Variants in IPO11 observed in about 807,000 individuals in gnomAD.
The protein encoded by IPO11 is importin 11.
IPO11 carries 66 observed loss-of-function variants against 143.2 expected under a neutral mutation model. That is an observed-to-expected ratio of 0.46 (90% CI 0.38 to 0.57). The LOEUF is 0.57. Ranked by LOEUF, IPO11 falls within the 20% of genes least tolerant of loss-of-function variation. The probability of loss-of-function intolerance (pLI) is 0.00; values close to 1 mark genes in which losing one functional copy is unlikely to be tolerated. For synonymous variants in IPO11, 385 were observed against 377.8 expected, an observed-to-expected ratio of 1.02 and a Z score of -0.22; for missense variants, 1,026 against 1,141.0, an observed-to-expected ratio of 0.90 and a Z score of 1.45.
At chr5:62,448,451 T>C (rs1744795321) in intron 3 of IPO11, among the ~76,000 whole-genome samples, 1 of 152,250 alleles carries the variant, frequency 6.6e-6, no homozygotes, top group South Asian at 2.1e-4. Context: ...TATTACTCAG[T>C]TTTACTCTAA....
chr5:62,479,893 A>C (rs1432769718), intron 9 of IPO11, among the ~76,000 whole-genome samples: 1 of 151,794 alleles, frequency 6.6e-6, no homozygotes, highest in Non-Finnish European at 1.5e-5. Context: ...TAGGTTGCCT[A>C]TTCACTCTCA....
rs1297156364 is a variant in IPO11 at position 62,425,241 on chromosome 5, C to T, written c.-6-12033C>T. 2.0e-5 allele frequency among the ~76,000 whole-genome samples: 3 copies of T among 152,198 alleles called. No homozygotes were observed. In the South Asian group the frequency reaches 6.2e-4, roughly 31 times the overall value. ...AAAGTTCCTCGCTTCCTCCAACCCT[C>T]CTTGGGGGGAAAGGAACATACTCTT... is the stretch of plus-strand genomic sequence containing the variant. On this transcript the variant is annotated intron_variant, in intron 1 of 29. Coordinates refer to ENST00000325324, the MANE Select transcript of IPO11 (RefSeq NM_016338.5).
chr5:62,609,115 C>T (rs1745837756), intron 29 of IPO11, among the ~76,000 whole-genome samples: 1 of 152,118 alleles, frequency 6.6e-6, no homozygotes, highest in African/African-American at 2.4e-5. Flanking sequence ...GCAGCTGGAA[C>T]TGCACCAACT....
rs369850449 is a variant in IPO11 at position 62,588,659 on chromosome 5, C to T, written c.2583-2918C>T. ...AACTCAGACTTCTCATTCATACCCT[C>T]AGCTCTTTAAACCCCGCATCCTCAA... On this transcript the variant is annotated intron_variant, in intron 27 of 29. Coordinates refer to ENST00000325324, the MANE Select transcript of IPO11 (RefSeq NM_016338.5). Among the ~76,000 whole-genome samples, 14 of 152,364 alleles carry T rather than the reference C, an allele frequency of 9.2e-5. No individual in the cohort carries two copies. In the East Asian group the frequency reaches 2.7e-3, roughly 29 times the overall value.
At chr5:62,525,296 C>T (rs934178009) in intron 20 of IPO11, among the ~76,000 whole-genome samples, 1 of 151,686 alleles carries the variant, frequency 6.6e-6, no homozygotes, top group African/African-American at 2.4e-5. Flanking sequence ...ATACACACTT[C>T]TGCACCTTTT....
chr5:62,558,668 G>A (rs1254133930), intron 26 of IPO11, among the ~76,000 whole-genome samples: 2 of 152,000 alleles, frequency 1.3e-5, no homozygotes, highest in Admixed American at 6.5e-5. Flanking sequence ...AATAAAAAAC[G>A]CAGTTTTTAA....
chr5:62,426,746 C>T (rs1743756343), intron 1 of IPO11, among the ~76,000 whole-genome samples: 1 of 150,692 alleles, frequency 6.6e-6, no homozygotes, highest in Non-Finnish European at 1.5e-5. Context: ...GATGTGTTTA[C>T]TGCTTGTCTT....
intron 9 of IPO11, among the ~76,000 whole-genome samples, chr5:62,478,439 T>C (rs1180415917): frequency 6.6e-6 from 1 of 152,228 alleles, no homozygotes; most frequent in East Asian, 1.9e-4. Flanking sequence ...AGTGCTGGGA[T>C]TACAGGCGTG....
rs568978440 is a variant in IPO11 at position 62,557,246 on chromosome 5, C to T, written c.2461-3890C>T. Among the ~76,000 whole-genome samples the T allele has an allele frequency of 3.7e-3, 570 of 152,042 alleles. 4 individuals carry two copies. Among genetic ancestry groups the T allele is most frequent in the African/African-American group, 0.013 (531 of 41,488 alleles). On this transcript the variant is annotated intron_variant, in intron 26 of 29. Coordinates refer to ENST00000325324, the MANE Select transcript of IPO11 (RefSeq NM_016338.5). ...TTGCCCAGGCTGGAGTGCAATGGCG[C>T]GATCTCAGCTCACTGCAACCTCCAC...
At chr5:62,533,948 T>C (rs1351251641) in intron 22 of IPO11, among the ~76,000 whole-genome samples, 1 of 90,494 alleles carries the variant, frequency 1.1e-5, no homozygotes, top group East Asian at 2.6e-4. Context: ...AGATGCTTTC[T>C]CTTTAAAAAA....
Position 62,456,134 on chromosome 5 carries a change from T to C in IPO11, c.516+4201T>C, listed in dbSNP as rs116038750. Among the ~76,000 whole-genome samples the C allele has an allele frequency of 9.1e-3, 1,392 of 152,176 alleles. 19 individuals carry two copies. Among genetic ancestry groups the C allele is most frequent in the African/African-American group, 0.032 (1,312 of 41,518 alleles). ...ACCTCCACCTCCCAGGTTCAGCACC[T>C]CCTAGTAGCTGGGTTTACAGGTGCA... On this transcript the variant is annotated intron_variant, in intron 5 of 29. Transcript: ENST00000325324.
intron 16 of IPO11, among the ~76,000 whole-genome samples, chr5:62,497,620 C>T (rs115372817): frequency 1.1e-3 from 168 of 152,266 alleles, no homozygotes; most frequent in Middle Eastern, 3.4e-3. Context: ...AGGAGTGTAC[C>T]ACTATGCCTG....
At chr5:62,569,607 A>G (rs1160497033) in intron 27 of IPO11, among the ~76,000 whole-genome samples, 4 of 152,222 alleles carry the variant, frequency 2.6e-5, no homozygotes, top group Non-Finnish European at 5.9e-5. Flanking sequence ...CAGTGAAGTA[A>G]CAAGGGGAGG....
intron 19 of IPO11, among the ~76,000 whole-genome samples, chr5:62,510,372 C>A (rs1037809066): frequency 6.6e-5 from 10 of 152,290 alleles, no homozygotes; most frequent in African/African-American, 2.4e-4. Context: ...TCATCACTTA[C>A]TAATATTTTA....
chr5:62,442,156 T>C (rs948963927), intron 2 of IPO11, among the ~76,000 whole-genome samples: 1 of 152,178 alleles, frequency 6.6e-6, no homozygotes, highest in Non-Finnish European at 1.5e-5. Context: ...ATCAAACTTA[T>C]TTACAAGGAT....
intron 1 of IPO11, among the ~76,000 whole-genome samples, chr5:62,433,648 A>G (rs1744071230): frequency 6.6e-6 from 1 of 152,142 alleles, no homozygotes; most frequent in Non-Finnish European, 1.5e-5. Context: ...GCCAGACTGG[A>G]TGGGCTTCTT....
rs752519808 is a variant in IPO11, at chr5:62,551,223, A to G, written c.2347A>G (p.Arg783Gly). Reference sequence around the variant, plus strand: ...CATGTGTTGTATTTTAATTGTACAGAGGTATCCTGTAGTGATGTCCACGTA... The same window carrying G: ...CATGTGTTGTATTTTAATTGTACAGGGGTATCCTGTAGTGATGTCCACGTA... ...YVFKGIIEGE[R>G]YPVVMSTYLG... Residue 783 changes from arginine to glycine, a missense_variant and splice_region_variant, in exon 26 of 30, where the codon AGG becomes GGG. Physicochemically the swap from Arg to Gly is moderately radical, Grantham distance 125. Coordinates refer to ENST00000325324, the MANE Select transcript of IPO11 (RefSeq NM_016338.5). 4 of 1,539,594 alleles carry G rather than the reference A, an allele frequency of 2.6e-6. No homozygotes were observed. The African/African-American group carries it at 5.5e-5, about 21-fold the overall frequency.
chr5:62,591,510 G>GA (rs138760888), intron 27 of IPO11, 67 bp from the exon 28 acceptor site: 33,778 of 721,060 alleles, frequency 0.047, 2 homozygotes, highest in South Asian at 0.055. Flanking sequence ...AGATGTTTAG[G>GA]AAAAAAAAAA....
intron 24 of IPO11, among the ~76,000 whole-genome samples, chr5:62,537,894 T>C (rs1742790241): frequency 6.6e-6 from 1 of 152,170 alleles, no homozygotes; most frequent in African/African-American, 2.4e-5. Context: ...TCTTTATGTA[T>C]GGACTTTGAG....
Sources: gnomAD v4.1 joint callset for allele counts (sites outside exome capture counted in the v4.1 genomes callset) on GRCh38, gnomAD v4.1.1 for gene constraint, MANE v1.5 for transcripts, NCBI Gene and HGNC (gene_info 2026-07-23, HGNC 2026-07-21) for gene names.